Variants in DMD observed in about 807,000 individuals in gnomAD.
DMD encodes the protein mutant dystrophin.
DMD carries 63 observed loss-of-function variants against 330.1 expected under a neutral mutation model. The ratio of observed to expected loss-of-function variants is 0.19; its 90% CI spans 0.16 to 0.24. DMD has a LOEUF of 0.24. Ranked by LOEUF, DMD falls within the 10% of genes least tolerant of loss-of-function variation. The pLI is 1.00. For missense variants in DMD, 3,344 were observed against 2,684.1 expected (o/e 1.25, Z -5.43); for synonymous variants, 1,223 against 959.8 (o/e 1.27, Z -5.07).
intron 7 of DMD, among the ~76,000 whole-genome samples, chrX:32,736,071 A>G (rs1252853929): frequency 8.9e-6 from 1 of 112,048 alleles, no homozygotes; most frequent in Non-Finnish European, 1.9e-5. Context: ...AATTTACAAG[A>G]AAAAACAAAC....
chrX:31,668,004 A>G (rs912888319), intron 53 of DMD, among the ~76,000 whole-genome samples: 8 of 111,439 alleles, frequency 7.2e-5, no homozygotes. Flanking sequence ...TTTCATTTGC[A>G]TTTTTTAAAC....
At chrX:31,854,579 T>C (rs1603500685) in intron 48 of DMD, among the ~76,000 whole-genome samples, 1 of 111,865 alleles carries the variant, frequency 8.9e-6, no homozygotes, top group African/African-American at 3.2e-5. Context: ...GTCAGAAACT[T>C]GCCTAGGGCA....
At chrX:32,911,188 T>C (rs2087209600) in intron 2 of DMD, among the ~76,000 whole-genome samples, 1 of 112,230 alleles carries the variant, frequency 8.9e-6, no homozygotes, top group African/African-American at 3.2e-5. Context: ...TGCAAAATGA[T>C]TGAACAATAC....
chrX:31,427,235 C>T (rs1385498707), intron 60 of DMD, among the ~76,000 whole-genome samples: 1 of 111,724 alleles, frequency 9.0e-6, no homozygotes, highest in Non-Finnish European at 1.9e-5. Flanking sequence ...CAGATCTTCC[C>T]AGACCTGGTT....
At chrX:32,744,401 C>G (rs2069708314) in intron 7 of DMD, among the ~76,000 whole-genome samples, 1 of 110,808 alleles carries the variant, frequency 9.0e-6, no homozygotes, top group South Asian at 3.8e-4. Context: ...ATCTTGGTGT[C>G]TTCTTCTCAT....
intron 43 of DMD, among the ~76,000 whole-genome samples, chrX:32,281,932 T>C (rs1389753980): frequency 8.9e-6 from 1 of 111,898 alleles, no homozygotes; most frequent in Non-Finnish European, 1.9e-5. Flanking sequence ...TAACTACTTA[T>C]ATGGGTGGGT....
chrX:32,536,287 A>AAAAAAAAAC (rs1556769787), intron 17 of DMD, among the ~76,000 whole-genome samples: 4 of 106,044 alleles, frequency 3.8e-5, no homozygotes, highest in African/African-American at 1.5e-4. Context: ...AAAAAAAAAA[A>AAAAAAAAAC]ACACACAAAT....
chrX:32,205,038 CA>C (rs2097060827), intron 44 of DMD, among the ~76,000 whole-genome samples: 14 of 86,464 alleles, frequency 1.6e-4, no homozygotes, highest in Admixed American at 1.3e-3. Context: ...CACACACACA[CA>C]CACCCACACA....
intron 50 of DMD, among the ~76,000 whole-genome samples, chrX:31,789,678 CTAAAAG>C (rs1485809441): frequency 9.0e-6 from 1 of 110,556 alleles, no homozygotes; most frequent in African/African-American, 3.3e-5. Flanking sequence ...TAGATAAGAA[CTAAAAG>C]TAAAATGTAT....
At chrX:33,046,601 G>C (rs184429662) in intron 1 of DMD, among the ~76,000 whole-genome samples, 6 of 112,256 alleles carry the variant, frequency 5.3e-5, no homozygotes, top group Admixed American at 4.7e-4. Context: ...TCAAGTGACT[G>C]ACTGGGGGCT....
intron 51 of DMD, among the ~76,000 whole-genome samples, chrX:31,731,096 A>G (rs955662546): frequency 9.0e-6 from 1 of 111,609 alleles, no homozygotes; most frequent in African/African-American, 3.2e-5. Context: ...TTGTACATCT[A>G]CTTTAGGCAC....
At chrX:32,422,240 T>G (rs1438595614) in intron 29 of DMD, among the ~76,000 whole-genome samples, 1 of 111,549 alleles carries the variant, frequency 9.0e-6, no homozygotes, top group Non-Finnish European at 1.9e-5. Context: ...AAGGTCTATC[T>G]AGACTGGGGT....
At chrX:31,589,162 G>T (rs1661751822) in intron 55 of DMD, among the ~76,000 whole-genome samples, 1 of 109,688 alleles carries the variant, frequency 9.1e-6, no homozygotes, top group African/African-American at 3.3e-5. Flanking sequence ...TCAAACTCTA[G>T]GTTTACCAAG....
intron 1 of DMD, among the ~76,000 whole-genome samples, chrX:33,085,442 A>G (rs2094990777): frequency 8.9e-6 from 1 of 111,837 alleles, no homozygotes; most frequent in Non-Finnish European, 1.9e-5. Flanking sequence ...AGCTTCAGCC[A>G]CTGTTCTCTA....
intron 77 of DMD, among the ~76,000 whole-genome samples, chrX:31,132,302 C>T (rs760139483): frequency 1.8e-5 from 2 of 112,197 alleles, no homozygotes; most frequent in South Asian, 7.5e-4. Flanking sequence ...GCTTCTACAC[C>T]CATGTGGTAT....
At chrX:32,966,008 G>A (rs184147895) in intron 2 of DMD, among the ~76,000 whole-genome samples, 165 of 111,916 alleles carry the variant, frequency 1.5e-3, no homozygotes, top group Non-Finnish European at 1.7e-3. Flanking sequence ...TACTTCTGTA[G>A]CAACAGTGAC....
At chrX:32,010,596 C>A (rs1234958578) in intron 44 of DMD, among the ~76,000 whole-genome samples, 1 of 111,528 alleles carries the variant, frequency 9.0e-6, no homozygotes, top group Non-Finnish European at 1.9e-5. Context: ...AGGCTCTGGG[C>A]GTCACTGCAC....
intron 4 of DMD, among the ~76,000 whole-genome samples, chrX:32,842,872 A>C (rs1187961784): frequency 9.0e-6 from 1 of 110,626 alleles, no homozygotes; most frequent in East Asian, 2.8e-4. Flanking sequence ...CAGTGGCACG[A>C]TCTCCACTCA....
At chrX:32,162,967 A>T (rs1453926502) in intron 44 of DMD, among the ~76,000 whole-genome samples, 2 of 111,272 alleles carry the variant, frequency 1.8e-5, no homozygotes, top group Non-Finnish European at 3.8e-5. Context: ...CTGCATCTCT[A>T]GCACATACTT....
Sources: allele counts gnomAD v4.1 joint callset (sites outside exome capture counted in the v4.1 genomes callset), GRCh38; gene constraint gnomAD v4.1.1; transcripts MANE v1.5; gene names NCBI Gene and HGNC (gene_info 2026-07-23, HGNC 2026-07-21).